PRKCZ: variants seen among roughly 807,000 people sequenced by gnomAD.
PRKCZ encodes protein kinase C zeta type.
A neutral mutation model predicts 79.5 loss-of-function variants in PRKCZ; 33 were observed. That is an observed-to-expected ratio of 0.41 (90% CI 0.31 to 0.55). The LOEUF is 0.55. Ranked by LOEUF, PRKCZ falls within the 20% of genes least tolerant of loss-of-function variation. The pLI, the probability that PRKCZ is intolerant of heterozygous loss-of-function variation, is 0.19. For missense variants in PRKCZ, 578 were observed against 813.5 expected (o/e 0.71, Z 3.52); for synonymous variants, 342 against 320.9 (o/e 1.07, Z -0.70).
intron 10 of PRKCZ, among the ~76,000 whole-genome samples, chr1:2,164,123 T>C (rs1310742621): frequency 6.6e-6 from 1 of 152,178 alleles, no homozygotes; most frequent in African/African-American, 2.4e-5. Flanking sequence ...TTTGCTGATA[T>C]TTTATTTAGG....
At chr1:2,119,206 T>A (rs1671354089) in intron 4 of PRKCZ, among the ~76,000 whole-genome samples, 1 of 147,498 alleles carries the variant, frequency 6.8e-6, no homozygotes, top group African/African-American at 2.5e-5. Context: ...TTAATTCTTA[T>A]TTTTTCCTTT....
At chr1:2,155,718 C>A (rs144287646) in intron 9 of PRKCZ, among the ~76,000 whole-genome samples, 1 of 126,430 alleles carries the variant, frequency 7.9e-6, no homozygotes, top group Non-Finnish European at 1.6e-5. Flanking sequence ...GTGACAGTGA[C>A]GATGATAGTG....
chr1:2,103,507 C>G (rs1043406531), intron 4 of PRKCZ, among the ~76,000 whole-genome samples: 1 of 152,082 alleles, frequency 6.6e-6, no homozygotes, highest in African/African-American at 2.4e-5. Context: ...TGCCCCCACC[C>G]CAGCCCAAAG....
At chr1:2,132,852 G>C (rs1020364317) in intron 4 of PRKCZ, among the ~76,000 whole-genome samples, 1 of 152,230 alleles carries the variant, frequency 6.6e-6, no homozygotes, top group African/African-American at 2.4e-5. Context: ...CTGGACCGCT[G>C]TGACAGAACC....
chr1:2,059,590 CAGTG>C lies in PRKCZ; in HGVS notation c.334+3_334+6del. ...CTGGCCTGCCATGTCCGGGAGAAGA[CAGTG>C]AGTACTGGGGTTTCCTACGCCGGTC... On this transcript the variant is annotated splice_donor_variant and splice_donor_region_variant and coding_sequence_variant and intron_variant, in exon 4 of 18. Transcript: ENST00000378567. LOFTEE classifies it high-confidence loss of function. 4 of 1,614,156 alleles carry C rather than the reference CAGTG, an allele frequency of 2.5e-6. No homozygotes were observed. Among genetic ancestry groups the C allele is most frequent in the Non-Finnish European group, 3.4e-6 (4 of 1,179,952 alleles).
chr1:2,155,310 G>T (rs943209317), intron 9 of PRKCZ, among the ~76,000 whole-genome samples: 1 of 151,914 alleles, frequency 6.6e-6, no homozygotes, highest in African/African-American at 2.4e-5. Flanking sequence ...GACAATGGTG[G>T]TGATGACAGT....
chr1:2,083,098 G>T (rs527846191), intron 4 of PRKCZ, among the ~76,000 whole-genome samples: 23 of 152,282 alleles, frequency 1.5e-4, no homozygotes, highest in East Asian at 9.7e-4. Flanking sequence ...TTTCAAACAC[G>T]TATCGTTAGC....
At chr1:2,060,516 G>A (rs1000618273) in intron 4 of PRKCZ, among the ~76,000 whole-genome samples, 3 of 128,786 alleles carry the variant, frequency 2.3e-5, no homozygotes, top group African/African-American at 7.8e-5. Context: ...GGCTTCCAGC[G>A]AGAAGTGGGG....
chr1:2,086,485 G>T (rs1664540461), intron 4 of PRKCZ, among the ~76,000 whole-genome samples: 1 of 152,270 alleles, frequency 6.6e-6, no homozygotes, highest in East Asian at 1.9e-4. Context: ...TTGGCGAGCG[G>T]CTCCCCCCAT....
At position 2,185,200 on chromosome 1, in the gene PRKCZ, A is replaced by C. The variant is rs1687397053; in HGVS notation, c.*191A>C. ...CAGTCCCTCACACCTGGGCCCGGGC[A>C]GGCCAGCTTCGTGCTGGAGGAACTT... On this transcript the variant is annotated 3_prime_UTR_variant, in exon 18 of 18. Coordinates refer to ENST00000378567, the MANE Select transcript of PRKCZ (RefSeq NM_002744.6). 15 of 709,060 alleles carry C rather than the reference A, an allele frequency of 2.1e-5. No homozygotes were observed. The highest frequency in any genetic ancestry group is 6.1e-5 in the Admixed American group (3 of 49,374). The allele number at this position is 709,060 out of a possible 1,614,324, so 43.9% of individuals were successfully genotyped here.
chr1:2,132,675 A>T (rs1437757915), intron 4 of PRKCZ, among the ~76,000 whole-genome samples: 1 of 152,148 alleles, frequency 6.6e-6, no homozygotes, highest in Non-Finnish European at 1.5e-5. Context: ...TCAGTCCAGC[A>T]TCCCTAGCCA....
At chr1:2,059,913 G>A (rs1297301625) in intron 4 of PRKCZ, among the ~76,000 whole-genome samples, 1 of 152,184 alleles carries the variant, frequency 6.6e-6, no homozygotes, top group Non-Finnish European at 1.5e-5. Flanking sequence ...CTCAGCTCAC[G>A]ACCACCCCTA....
intron 5 of PRKCZ, 39 bp from the exon 6 acceptor site, chr1:2,144,171 C>T: frequency 6.5e-7 from 1 of 1,545,446 alleles, no homozygotes; most frequent in Non-Finnish European, 8.8e-7. Context: ...GCTGGCCCCT[C>T]AGTGTGGCCT....
At chr1:2,101,050 G>T (rs1335249759) in intron 4 of PRKCZ, among the ~76,000 whole-genome samples, 1 of 147,248 alleles carries the variant, frequency 6.8e-6, no homozygotes, top group Non-Finnish European at 1.5e-5. Context: ...GCGTTAAGAT[G>T]ATTCTACTTT....
intron 4 of PRKCZ, among the ~76,000 whole-genome samples, chr1:2,077,447 C>A (rs575217427): frequency 6.6e-6 from 1 of 152,276 alleles, no homozygotes; most frequent in African/African-American, 2.4e-5. Context: ...CCTCAGCGAA[C>A]CTTGATTGTT....
rs138508878 is a variant in PRKCZ at position 2,065,031 on chromosome 1, T to G, written c.334+5440T>G. Reference sequence around the variant, plus strand: ...TGTTTTCTTTGATTTCTTTCAGCAGTGTTTTACAGTTTTCCTTGTACAAGT... The same window carrying G: ...TGTTTTCTTTGATTTCTTTCAGCAGGGTTTTACAGTTTTCCTTGTACAAGT... On this transcript the variant is annotated intron_variant, in intron 4 of 17. Coordinates refer to ENST00000378567, the MANE Select transcript of PRKCZ (RefSeq NM_002744.6). 6.3e-3 allele frequency among the ~76,000 whole-genome samples: 954 copies of G among 152,366 alleles called. 5 individuals carry two copies. Among genetic ancestry groups the G allele is most frequent in the Non-Finnish European group, 0.01 (685 of 68,036 alleles).
At chr1:2,111,537 G>C in intron 4 of PRKCZ, 1 of 152,418 alleles carries the variant, frequency 6.6e-6, no homozygotes, top group South Asian at 2.1e-4. Context: ...TGTGTGGCAG[G>C]GGGAGGAAGG....
intron 1 of PRKCZ, among the ~76,000 whole-genome samples, chr1:2,052,629 C>G (rs1181299415): frequency 1.3e-5 from 2 of 152,034 alleles, no homozygotes; most frequent in African/African-American, 4.8e-5. Flanking sequence ...GTGAAGTACC[C>G]TTCTCCCCGT....
At chr1:2,147,421 T>G (rs1678829819) in intron 7 of PRKCZ, among the ~76,000 whole-genome samples, 1 of 151,810 alleles carries the variant, frequency 6.6e-6, no homozygotes. Context: ...TCCATCTATC[T>G]GTTGTCCACT....
Sources: allele counts gnomAD v4.1 joint callset (sites outside exome capture counted in the v4.1 genomes callset), GRCh38; gene constraint gnomAD v4.1.1; transcripts MANE v1.5; gene names NCBI Gene and HGNC (gene_info 2026-07-23, HGNC 2026-07-21).